PLXDC2: variants seen among roughly 807,000 people sequenced by gnomAD.
PLXDC2 encodes the protein plexin domain-containing protein 2.
PLXDC2 carries 40 observed loss-of-function variants against 68.9 expected under a neutral mutation model. That is an observed-to-expected ratio of 0.58 (90% CI 0.45 to 0.76). PLXDC2 has a LOEUF of 0.76. Ranked by LOEUF, PLXDC2 falls within the 30% of genes least tolerant of loss-of-function variation. The pLI, the probability that PLXDC2 is intolerant of heterozygous loss-of-function variation, is 0.00. For missense variants in PLXDC2, 644 were observed against 661.9 expected (o/e 0.97, Z 0.30); for synonymous variants, 243 against 234.2 (o/e 1.04, Z -0.34).
intron 4 of PLXDC2, among the ~76,000 whole-genome samples, chr10:20,118,622 T>A (rs1445250373): frequency 2.6e-5 from 4 of 152,174 alleles, no homozygotes; most frequent in African/African-American, 9.7e-5. Context: ...GGAAACTTTT[T>A]TCAAGAAATG....
At position 20,182,099 on chromosome 10, in the gene PLXDC2, G is replaced by GTGTGTGTGTGTA. The variant is rs1364079903; in HGVS notation, c.1061+4692_1061+4693insTGTGTGTGTATG. On this transcript the variant is annotated intron_variant, in intron 9 of 13. Transcript: ENST00000377252. Reference sequence around the variant, plus strand: ...TGTGTGTGTGTGTGTGTGTGTGTGTGTGAATGAAGTTTATTGAAGTATAAT... The same window carrying GTGTGTGTGTGTA: ...TGTGTGTGTGTGTGTGTGTGTGTGTGTGTGTGTGTGTATGAATGAAGTTTATTGAAGTATAAT... Among the ~76,000 whole-genome samples the GTGTGTGTGTGTA allele has an allele frequency of 8.6e-5, 13 of 151,744 alleles. No individual in the cohort carries two copies. In the East Asian group the frequency reaches 2.5e-3, roughly 30 times the overall value.
chr10:20,044,194 T>C (rs1835739505), intron 2 of PLXDC2, among the ~76,000 whole-genome samples: 1 of 87,070 alleles, frequency 1.1e-5, no homozygotes. Context: ...TCTTTCTTTC[T>C]CTCTCTCTCT....
intron 13 of PLXDC2, among the ~76,000 whole-genome samples, chr10:20,271,828 A>G (rs919214472): frequency 1.3e-5 from 2 of 152,122 alleles, no homozygotes; most frequent in African/African-American, 4.8e-5. Context: ...CTTCGAGGTG[A>G]GGTAGGAGAA....
At chr10:19,882,399 A>G (rs1837744414) in intron 1 of PLXDC2, among the ~76,000 whole-genome samples, 2 of 152,238 alleles carry the variant, frequency 1.3e-5, no homozygotes, top group South Asian at 2.1e-4. Context: ...AAGAGGGTCA[A>G]CATCATCAGG....
At chr10:20,216,844 C>T (rs114641761) in intron 10 of PLXDC2, among the ~76,000 whole-genome samples, 178 of 152,278 alleles carry the variant, frequency 1.2e-3, no homozygotes, top group African/African-American at 4.2e-3. Flanking sequence ...GGAAAATAGG[C>T]TGAGTGATTA....
At chr10:20,086,629 A>G (rs1422755582) in intron 4 of PLXDC2, among the ~76,000 whole-genome samples, 1 of 152,124 alleles carries the variant, frequency 6.6e-6, no homozygotes, top group Non-Finnish European at 1.5e-5. Context: ...TCAAATTCAC[A>G]TTATTGTTGC....
At chr10:19,914,126 G>C (rs925128611) in intron 1 of PLXDC2, among the ~76,000 whole-genome samples, 87 of 151,470 alleles carry the variant, frequency 5.7e-4, no homozygotes, top group African/African-American at 2.0e-3. Context: ...AGGGAGGTAG[G>C]GAGGAAGGAA....
At chr10:20,066,354 G>C (rs1345390627) in intron 3 of PLXDC2, among the ~76,000 whole-genome samples, 1 of 152,136 alleles carries the variant, frequency 6.6e-6, no homozygotes, top group African/African-American at 2.4e-5. Flanking sequence ...GATATTTGGT[G>C]GTAATTGATA....
At chr10:19,883,884 C>CTTTTT (rs397846779) in intron 1 of PLXDC2, among the ~76,000 whole-genome samples, 706 of 55,074 alleles carry the variant, frequency 0.013, 171 homozygotes, top group African/African-American at 0.019. Context: ...TCCCTTTAAA[C>CTTTTT]TTTTTTTTTT....
At chr10:19,878,493 T>C (rs1837674151) in intron 1 of PLXDC2, among the ~76,000 whole-genome samples, 2 of 152,224 alleles carry the variant, frequency 1.3e-5, no homozygotes, top group Admixed American at 6.5e-5. Flanking sequence ...TGAGTCTAGC[T>C]GAAGTAAAAT....
intron 3 of PLXDC2, among the ~76,000 whole-genome samples, chr10:20,052,946 A>G (rs1018126339): frequency 1.3e-5 from 2 of 151,968 alleles, no homozygotes; most frequent in African/African-American, 4.8e-5. Flanking sequence ...ACATTTTTTT[A>G]AAGAAATATT....
intron 12 of PLXDC2, among the ~76,000 whole-genome samples, chr10:20,237,587 T>C (rs1303747647): frequency 2.0e-5 from 3 of 152,228 alleles, no homozygotes; most frequent in Admixed American, 6.5e-5. Context: ...TGATTTTCTT[T>C]TGTTACATGC....
chr10:20,197,746 C>T (rs1415968497), intron 9 of PLXDC2, among the ~76,000 whole-genome samples: 1 of 151,260 alleles, frequency 6.6e-6, no homozygotes, highest in African/African-American at 2.4e-5. Context: ...GCAACCTCCA[C>T]CTCCTGGGTT....
chr10:19,839,053 G>A (rs1054722209), intron 1 of PLXDC2, among the ~76,000 whole-genome samples: 1 of 152,096 alleles, frequency 6.6e-6, no homozygotes. Flanking sequence ...AGGCACGGTG[G>A]TGGGTGCCTG....
At chr10:19,822,197 A>G (rs1218535600) in intron 1 of PLXDC2, among the ~76,000 whole-genome samples, 1 of 149,272 alleles carries the variant, frequency 6.7e-6, no homozygotes, top group Admixed American at 6.7e-5. Flanking sequence ...TATAGTATAT[A>G]TGCACTATAT....
chr10:20,096,252 G>T (rs1284938935), intron 4 of PLXDC2, among the ~76,000 whole-genome samples: 1 of 152,132 alleles, frequency 6.6e-6, no homozygotes, highest in Admixed American at 6.6e-5. Context: ...TTGATTAAAT[G>T]ATTTGGGCAT....
chr10:19,984,299 C>T (rs1259671843), intron 1 of PLXDC2, among the ~76,000 whole-genome samples: 2 of 152,102 alleles, frequency 1.3e-5, no homozygotes, highest in Non-Finnish European at 2.9e-5. Context: ...TGCCACTGAA[C>T]ATCCCAGGTG....
intron 2 of PLXDC2, among the ~76,000 whole-genome samples, chr10:20,038,002 T>C (rs547944542): frequency 2.0e-5 from 3 of 152,118 alleles, no homozygotes; most frequent in Non-Finnish European, 2.9e-5. Context: ...CCCAGCACGC[T>C]GGGAGGCTGA....
chr10:20,209,228 C>T (rs1279508559), intron 9 of PLXDC2, among the ~76,000 whole-genome samples: 1 of 152,084 alleles, frequency 6.6e-6, no homozygotes, highest in African/African-American at 2.4e-5. Context: ...CTTATTTCAT[C>T]CCTGCAGCTG....
Sources: allele counts gnomAD v4.1 joint callset (sites outside exome capture counted in the v4.1 genomes callset), GRCh38; gene constraint gnomAD v4.1.1; transcripts MANE v1.5; gene names NCBI Gene and HGNC (gene_info 2026-07-23, HGNC 2026-07-21).